Variants in CLEC16A observed in about 807,000 individuals in gnomAD.
CLEC16A encodes the protein C-type lectin domain containing 16A.
In CLEC16A, 51 loss-of-function variants were observed where a neutral mutation model predicts 109.5. That is an observed-to-expected ratio of 0.47 (90% CI 0.37 to 0.59). The LOEUF is 0.59. CLEC16A is among the 20% of genes least tolerant of loss of function. The probability of loss-of-function intolerance (pLI) is 0.00; values close to 1 mark genes in which losing one functional copy is unlikely to be tolerated. For missense variants in CLEC16A, 1,339 were observed against 1,394.0 expected (o/e 0.96, Z 0.63); for synonymous variants, 673 against 564.2 (o/e 1.19, Z -2.73).
intron 19 of CLEC16A, among the ~76,000 whole-genome samples, chr16:11,075,515 A>G (rs1375281486): frequency 5.3e-5 from 8 of 151,726 alleles, no homozygotes; most frequent in African/African-American, 1.9e-4. Flanking sequence ...AGCTCTCTGC[A>G]ACCTTGAACC....
intron 1 of CLEC16A, among the ~76,000 whole-genome samples, chr16:10,946,455 G>A (rs1180004925): frequency 1.3e-5 from 2 of 152,148 alleles, no homozygotes; most frequent in East Asian, 1.9e-4. Context: ...AGGAGGTGGT[G>A]AGAGAAGACA....
intron 16 of CLEC16A, 58 bp from the exon 17 acceptor site, chr16:11,047,234 G>T: frequency 1.4e-6 from 2 of 1,453,404 alleles, no homozygotes; most frequent in Non-Finnish European, 1.9e-6. Flanking sequence ...ATAATACTCT[G>T]TTGTTTATGG....
intron 22 of CLEC16A, among the ~76,000 whole-genome samples, chr16:11,141,717 G>T (rs1453283159): frequency 6.6e-6 from 1 of 152,228 alleles, no homozygotes. Flanking sequence ...GGACGGTCTG[G>T]GATGTGGGAG....
At chr16:11,097,568 A>G (rs1203148061) in intron 19 of CLEC16A, among the ~76,000 whole-genome samples, 3 of 152,188 alleles carry the variant, frequency 2.0e-5, no homozygotes, top group Non-Finnish European at 4.4e-5. Context: ...AACTGAGTTC[A>G]GGGCTGTTCT....
At chr16:10,988,296 T>G (rs2043793864) in intron 10 of CLEC16A, among the ~76,000 whole-genome samples, 1 of 152,236 alleles carries the variant, frequency 6.6e-6, no homozygotes, top group South Asian at 2.1e-4. Flanking sequence ...TATTCATCTA[T>G]TCATCCATTC....
At chr16:11,099,029 T>C (rs930090344) in intron 19 of CLEC16A, among the ~76,000 whole-genome samples, 7 of 152,356 alleles carry the variant, frequency 4.6e-5, no homozygotes, top group Admixed American at 3.9e-4. Flanking sequence ...TGTGTGGGAA[T>C]GGGCTTTCTG....
At chr16:11,089,574 T>C (rs1161785022) in intron 19 of CLEC16A, among the ~76,000 whole-genome samples, 3 of 152,130 alleles carry the variant, frequency 2.0e-5, no homozygotes, top group Admixed American at 6.5e-5. Context: ...TGCCTGTTCC[T>C]CCCCTCTGTC....
chr16:11,159,276 CTGT>C (rs1352140305), intron 22 of CLEC16A, among the ~76,000 whole-genome samples: 2 of 152,310 alleles, frequency 1.3e-5, no homozygotes, highest in East Asian at 1.9e-4. Context: ...CATGCCTGCA[CTGT>C]TGTTTTAATA....
chr16:11,080,920 G>C (rs1179061937), intron 19 of CLEC16A, among the ~76,000 whole-genome samples: 1 of 152,228 alleles, frequency 6.6e-6, no homozygotes, highest in African/African-American at 2.4e-5. Context: ...CCTTTTGTAA[G>C]GTAGCATGTT....
At chr16:11,124,090 G>C in intron 21 of CLEC16A, 144 bp downstream of exon 21, 2 of 808,170 alleles carry the variant, frequency 2.5e-6, no homozygotes, top group Non-Finnish European at 3.8e-6. Flanking sequence ...CGAATACGAG[G>C]AAGTTCCATT....
chr16:11,003,154 G>A lies in CLEC16A; in HGVS notation c.1152G>A (p.Lys384=), dbSNP rs779618011. Residue 384 remains lysine, a synonymous_variant, in exon 11 of 24, where the codon AAG becomes AAA. Coordinates refer to ENST00000409790, the MANE Select transcript of CLEC16A (RefSeq NM_015226.3). ...TTGAGATGAACAAGCACAAGGGCAA[G>A]AGGCGGGTGCAAAAGAGACCCAACT... ...RSLEMNKHKG[K]RRVQKRPNYK... 1.2e-5 allele frequency: 20 copies of A among 1,613,506 alleles called. No homozygotes were observed. Among genetic ancestry groups the A allele is most frequent in the Non-Finnish European group, 1.7e-5 (20 of 1,179,850 alleles).
intron 22 of CLEC16A, among the ~76,000 whole-genome samples, chr16:11,163,818 T>A (rs1481102650): frequency 2.0e-5 from 3 of 152,198 alleles, no homozygotes; most frequent in Admixed American, 2.0e-4. Context: ...ACTCTGTTAC[T>A]ACACTGGCTG....
chr16:11,032,355 GT>G (rs2046792030), intron 13 of CLEC16A, among the ~76,000 whole-genome samples: 1 of 152,156 alleles, frequency 6.6e-6, no homozygotes, highest in Non-Finnish European at 1.5e-5. Flanking sequence ...TGGTCAGTTA[GT>G]GAGCTGACCC....
At chr16:11,092,305 C>T (rs1333108626) in intron 19 of CLEC16A, among the ~76,000 whole-genome samples, 1 of 151,886 alleles carries the variant, frequency 6.6e-6, no homozygotes, top group Non-Finnish European at 1.5e-5. Context: ...GATCACACCA[C>T]TGCACTCCAG....
intron 22 of CLEC16A, among the ~76,000 whole-genome samples, chr16:11,141,697 G>C (rs534248346): frequency 2.0e-5 from 3 of 152,276 alleles, no homozygotes; most frequent in African/African-American, 7.2e-5. Context: ...AACCAGGGCA[G>C]CTGGGTGAGG....
intron 10 of CLEC16A, among the ~76,000 whole-genome samples, chr16:10,988,665 GT>G (rs2043815346): frequency 6.6e-6 from 1 of 152,140 alleles, no homozygotes; most frequent in Non-Finnish European, 1.5e-5. Flanking sequence ...GCTGTTCCAT[GT>G]TCCACCTCCA....
At chr16:10,978,278 C>T (rs1324627103) in intron 8 of CLEC16A, among the ~76,000 whole-genome samples, 1 of 152,200 alleles carries the variant, frequency 6.6e-6, no homozygotes, top group Non-Finnish European at 1.5e-5. Flanking sequence ...TCAGGGCCCC[C>T]CTGTGAGGAA....
At chr16:11,062,990 A>G (rs574811820) in intron 19 of CLEC16A, among the ~76,000 whole-genome samples, 16 of 152,134 alleles carry the variant, frequency 1.1e-4, no homozygotes, top group Non-Finnish European at 1.9e-4. Context: ...GGGAATTCAC[A>G]TTCCTTCTCT....
chr16:11,120,832 A>ACG, intron 20 of CLEC16A, 66 bp downstream of exon 20: 2 of 1,209,482 alleles, frequency 1.7e-6, no homozygotes, highest in Non-Finnish European at 1.1e-6. Flanking sequence ...ACACACACAC[A>ACG]CACACACCAC....
Sources: allele counts gnomAD v4.1 joint callset (sites outside exome capture counted in the v4.1 genomes callset), GRCh38; gene constraint gnomAD v4.1.1; transcripts MANE v1.5; gene names NCBI Gene and HGNC (gene_info 2026-07-23, HGNC 2026-07-21).